SACS: variants seen among roughly 807,000 people sequenced by gnomAD.
SACS encodes sacsin molecular chaperone.
A neutral mutation model predicts 348.0 loss-of-function variants in SACS; 197 were observed. The ratio of observed to expected loss-of-function variants is 0.57; its 90% CI spans 0.50 to 0.64. The LOEUF (loss-of-function observed/expected upper bound fraction) is 0.64, where lower values mean the gene tolerates loss of function less well. SACS is among the 30% of genes least tolerant of loss of function. The probability of loss-of-function intolerance (pLI) is 0.00; values close to 1 mark genes in which losing one functional copy is unlikely to be tolerated. For missense variants in SACS, 4,999 were observed against 5,360.8 expected, an observed-to-expected ratio of 0.93 and a Z score of 2.11; for synonymous variants, 1,985 against 1,910.6, an observed-to-expected ratio of 1.04 and a Z score of -1.02.
At chr13:23,361,145 G>C (rs1426052699) in intron 6 of SACS, among the ~76,000 whole-genome samples, 1 of 152,196 alleles carries the variant, frequency 6.6e-6, no homozygotes, top group Non-Finnish European at 1.5e-5. Flanking sequence ...ACCCCTAGGA[G>C]TGCAACTGTC....
In SACS at chr13:23,354,679, C is replaced by T; in HGVS notation, c.1933G>A (p.Glu645Lys). The change falls in exon 8 of 10, where the codon GAA becomes AAA. Residue 645 changes from glutamate (E) to lysine (K), a missense_variant. Around this residue, in one of 6 missense-constraint regions of SACS, gnomAD observed 3,156 missense variants for 3,380.1 expected, o/e 0.93. Transcript: ENST00000382292. ...LRKCAHLGCA[E>K]EKLHLLEFVL... ...AATTCTAGAAGGTGAAGCTTTTCTTCAGCACAGCCCAGGTGTGCACACTTC... is the reference window on the plus strand; with the variant it reads ...AATTCTAGAAGGTGAAGCTTTTCTTTAGCACAGCCCAGGTGTGCACACTTC... 6.2e-7 allele frequency: 1 copy of T among 1,614,160 alleles called. No individual in the cohort carries two copies. Among genetic ancestry groups the T allele is most frequent in the South Asian group, 1.1e-5 (1 of 91,082 alleles).
chr13:23,407,739 T>C (rs945754591), intron 2 of SACS, among the ~76,000 whole-genome samples: 2 of 152,330 alleles, frequency 1.3e-5, no homozygotes, highest in African/African-American at 4.8e-5. Flanking sequence ...GCCCTCTTTT[T>C]GACACGGCAT....
At chr13:23,420,330 G>T (rs1430748097) in intron 1 of SACS, among the ~76,000 whole-genome samples, 2 of 152,074 alleles carry the variant, frequency 1.3e-5, no homozygotes, top group Non-Finnish European at 2.9e-5. Flanking sequence ...TTCCTGAGGT[G>T]TGACTGTGAA....
At chr13:23,415,358 C>T (rs1873654851) in intron 1 of SACS, among the ~76,000 whole-genome samples, 2 of 152,118 alleles carry the variant, frequency 1.3e-5, no homozygotes, top group Non-Finnish European at 2.9e-5. Flanking sequence ...AATACTACTT[C>T]TGCCATTAAC....
Position 23,339,688 on chromosome 13 carries a change from G to T in SACS, c.4188C>A (p.His1396Gln). ...NPSKLIMKPI[H>Q]ECCYCDIKVD... ...CTTTAATGTCACAATAACAGCATTC[G>T]TGAATTGGCTTCATGATAAGTTTAG... is the stretch of plus-strand genomic sequence containing the variant. Residue 1396 changes from histidine (H) to glutamine (Q), a missense_variant, in exon 10 of 10, where the codon CAC becomes CAA. Around this residue, in one of 6 missense-constraint regions of SACS, gnomAD observed 3,156 missense variants for 3,380.1 expected, o/e 0.93. Transcript: ENST00000382292. The T allele has an allele frequency of 6.2e-7, 1 of 1,613,986 alleles. No homozygotes were observed. The highest frequency in any genetic ancestry group is 8.5e-7 in the Non-Finnish European group (1 of 1,179,954).
intron 2 of SACS, among the ~76,000 whole-genome samples, chr13:23,385,940 G>GAAAGGA (rs1288220446): frequency 1.1e-4 from 16 of 152,172 alleles, no homozygotes; most frequent in East Asian, 5.8e-4. Flanking sequence ...GTAATATTTT[G>GAAAGGA]AAAGGAATCT....
At chr13:23,411,898 A>C (rs111338475) in intron 1 of SACS, among the ~76,000 whole-genome samples, 158 bp from the exon 2 acceptor site, 390 of 152,368 alleles carry the variant, frequency 2.6e-3, no homozygotes, top group Non-Finnish European at 3.7e-3. Flanking sequence ...TCTGCCAAAG[A>C]GCATGGCATT....
chr13:23,358,303 T>C, intron 7 of SACS, 32 bp downstream of exon 7: 1 of 1,605,314 alleles, frequency 6.2e-7, no homozygotes, highest in Non-Finnish European at 8.5e-7. Context: ...TAATATTTTC[T>C]AATACCAAGA....
At chr13:23,371,350 T>G (rs905812613) in intron 3 of SACS, among the ~76,000 whole-genome samples, 185 bp from the exon 4 acceptor site, 1 of 152,170 alleles carries the variant, frequency 6.6e-6, no homozygotes, top group Non-Finnish European at 1.5e-5. Context: ...ATTTAAAAAT[T>G]TAAGGGACTA....
rs60355580 is a variant in SACS, at chr13:23,387,463, G to GAAAA, written c.21-12198_21-12195dup. Reference sequence around the variant, plus strand: ...GGCGACAGAGCAAGACTCCGTCTCAGAAAAAAAAAAAAAAAAAAAAAAAGT... The same window carrying GAAAA: ...GGCGACAGAGCAAGACTCCGTCTCAGAAAAAAAAAAAAAAAAAAAAAAAAAAAGT... On this transcript the variant is annotated intron_variant, in intron 2 of 9. Transcript: ENST00000382292. 3.2e-4 allele frequency among the ~76,000 whole-genome samples: 29 copies of GAAAA among 91,348 alleles called. 1 individual carries two copies. Among genetic ancestry groups the GAAAA allele is most frequent in the Admixed American group, 6.6e-4 (5 of 7,544 alleles). The allele number at this position is 91,348 out of a possible 152,430, so 59.9% of individuals were successfully genotyped here. A position where few individuals can be genotyped will look rare whatever the true frequency, so the allele number is the denominator to read the frequency against.
chr13:23,400,031 T>G (rs1872893051), intron 2 of SACS, among the ~76,000 whole-genome samples: 1 of 152,224 alleles, frequency 6.6e-6, no homozygotes, highest in Admixed American at 6.5e-5. Flanking sequence ...AAAACCTGTC[T>G]TTGACTGCCA....
intron 2 of SACS, among the ~76,000 whole-genome samples, chr13:23,392,603 A>G (rs1872568861): frequency 6.6e-6 from 1 of 152,152 alleles, no homozygotes; most frequent in Admixed American, 6.5e-5. Flanking sequence ...AATCCCTAAC[A>G]TTATTTCCTC....
rs767116262 is a variant in SACS at position 23,331,402 on chromosome 13, T to G, written c.12474A>C (p.Thr4158=). The change falls in exon 10 of 10, where the codon ACA becomes ACC. Residue 4158 remains threonine (T), a synonymous_variant. Transcript: ENST00000382292. ...PSKLELPMPG[T]PIPAEIHYTL... is the part of the protein sequence containing the mutation. ...TGTAATGAATTTCAGCAGGAATTGG[T>G]GTGCCAGGCATTGGAAGTTCCAGTT... The G allele has an allele frequency of 1.7e-5, 27 of 1,613,958 alleles. No homozygotes were observed. Among genetic ancestry groups the G allele is most frequent in the Non-Finnish European group, 2.3e-5 (27 of 1,179,970 alleles).
intron 4 of SACS, among the ~76,000 whole-genome samples, chr13:23,369,264 C>T (rs1871240948): frequency 6.6e-6 from 1 of 152,152 alleles, no homozygotes; most frequent in South Asian, 2.1e-4. Context: ...GTCTCAATGG[C>T]TGTCCACTTC....
chr13:23,412,414 T>G (rs1257883579), intron 1 of SACS, among the ~76,000 whole-genome samples: 1 of 150,022 alleles, frequency 6.7e-6, no homozygotes, highest in East Asian at 2.0e-4. Context: ...ACCCTTTTTT[T>G]TTTTTTTTTT....
Position 23,339,738 on chromosome 13 carries a change from G to A in SACS, c.4138C>T (p.Pro1380Ser). The A allele has an allele frequency of 6.2e-7, 1 of 1,614,126 alleles. No homozygotes were observed. Reference protein sequence around the residue: ...QIPASPNTPVPIHHSKNPSKL... With the variant: ...QIPASPNTPVSIHHSKNPSKL... ...GAAGGATTTTTGCTATGATGTATAG[G>A]AACTGGTGTGTTGGGGCTTGCTGGA... is the stretch of plus-strand genomic sequence containing the variant. The change falls in exon 10 of 10, where the codon CCT (proline) becomes TCT (serine). Residue 1380 changes from proline to serine, a missense_variant. This residue lies in a region of SACS where 3,156 missense variants were observed against 3,380.1 expected (regional missense o/e 0.93). Coordinates refer to ENST00000382292, the MANE Select transcript of SACS (RefSeq NM_014363.6).
intron 2 of SACS, among the ~76,000 whole-genome samples, chr13:23,387,303 A>C (rs1247560106): frequency 1.3e-5 from 2 of 151,966 alleles, no homozygotes; most frequent in Non-Finnish European, 2.9e-5. Flanking sequence ...ACTAAAAAAC[A>C]CAAAAAAAAT....
At chr13:23,421,550 C>T (rs769219342) in intron 1 of SACS, among the ~76,000 whole-genome samples, 3 of 152,042 alleles carry the variant, frequency 2.0e-5, no homozygotes, top group Non-Finnish European at 4.4e-5. Context: ...CCTGAACGTC[C>T]GTCTGAGTCC....
In SACS at chr13:23,338,673, C is replaced by A. The variant is rs750718105; in HGVS notation, c.5203G>T (p.Ala1735Ser). 2.8e-5 allele frequency: 45 copies of A among 1,613,932 alleles called. 1 individual carries two copies. Among genetic ancestry groups the A allele is most frequent in the Middle Eastern group, 1.6e-4 (1 of 6,084 alleles). ...CTGCAAGTCTTCATGAGCTTAGCAGCCTCTTTTAAAACACTTAAGACAGGT... is the reference window on the plus strand; with the variant it reads ...CTGCAAGTCTTCATGAGCTTAGCAGACTCTTTTAAAACACTTAAGACAGGT... ...NTPVLSVLKE[A>S]AKLMKTCSSS... Residue 1735 changes from alanine to serine, a missense_variant, in exon 10 of 10, where the codon GCT becomes TCT. Ala to Ser is a moderately conservative substitution (Grantham distance 99). Around this residue, in one of 6 missense-constraint regions of SACS, gnomAD observed 3,156 missense variants for 3,380.1 expected, o/e 0.93. Transcript: ENST00000382292.
Sources: gnomAD v4.1 joint callset for allele counts (sites outside exome capture counted in the v4.1 genomes callset) on GRCh38, gnomAD v4.1.1 for gene constraint, gnomAD v4.1.1 regional missense constraint, MANE v1.5 for transcripts, NCBI Gene and HGNC (gene_info 2026-07-23, HGNC 2026-07-21) for gene names.